RCOR1: variants seen among roughly 807,000 people sequenced by gnomAD.
RCOR1 encodes REST corepressor 1, also known as REST corepressor.
Under a neutral mutation model 64.0 loss-of-function variants are expected in RCOR1, and 12 were observed. That is an observed-to-expected ratio of 0.19 (90% CI 0.12 to 0.30). The LOEUF (loss-of-function observed/expected upper bound fraction) is 0.30, where lower values mean the gene tolerates loss of function less well. RCOR1 is among the 10% of genes least tolerant of loss of function. RCOR1 has a pLI of 1.00. For missense variants in RCOR1, 502 were observed against 621.2 expected (o/e 0.81, Z 2.04); for synonymous variants, 279 against 227.2 (o/e 1.23, Z -2.05).
intron 2 of RCOR1, among the ~76,000 whole-genome samples, chr14:102,681,591 G>A (rs1427606040): frequency 1.3e-5 from 2 of 152,240 alleles, no homozygotes; most frequent in Non-Finnish European, 2.9e-5. Flanking sequence ...CACACATGAA[G>A]AATTAACATT....
At chr14:102,595,704 A>G (rs1363352661) in intron 2 of RCOR1, among the ~76,000 whole-genome samples, 3 of 151,104 alleles carry the variant, frequency 2.0e-5, no homozygotes, top group Non-Finnish European at 2.9e-5. Flanking sequence ...CTCAGCCTCC[A>G]GAGTAGCAGG....
intron 2 of RCOR1, among the ~76,000 whole-genome samples, chr14:102,674,709 G>T (rs924643794): frequency 1.3e-5 from 2 of 152,100 alleles, no homozygotes; most frequent in African/African-American, 4.8e-5. Flanking sequence ...ACTGGTAATT[G>T]CAGTTTCCTT....
chr14:102,694,448 T>C (rs1895604016), intron 3 of RCOR1, among the ~76,000 whole-genome samples: 1 of 152,134 alleles, frequency 6.6e-6, no homozygotes, highest in African/African-American at 2.4e-5. Flanking sequence ...TTTTTGTTTT[T>C]GTATTTTTAG....
chr14:102,660,091 A>G (rs1387438749), intron 2 of RCOR1, among the ~76,000 whole-genome samples: 3 of 152,172 alleles, frequency 2.0e-5, no homozygotes, highest in Non-Finnish European at 4.4e-5. Flanking sequence ...ATTGGTTCCA[A>G]ATGAGAAAGC....
intron 2 of RCOR1, among the ~76,000 whole-genome samples, chr14:102,635,659 A>AT (rs199697583): frequency 3.3e-4 from 50 of 151,122 alleles, no homozygotes; most frequent in African/African-American, 1.0e-3. Context: ...AAGTTGACAC[A>AT]TTTTTTTTTC....
intron 2 of RCOR1, among the ~76,000 whole-genome samples, chr14:102,649,385 G>C (rs111263217): frequency 9.9e-5 from 15 of 152,178 alleles, no homozygotes; most frequent in African/African-American, 3.6e-4. Context: ...TGGATGTTTA[G>C]TATGCATTTT....
chr14:102,639,748 G>A (rs1034835266), intron 2 of RCOR1, among the ~76,000 whole-genome samples: 4 of 151,854 alleles, frequency 2.6e-5, no homozygotes, highest in Admixed American at 6.6e-5. Flanking sequence ...GGCCGGGCTG[G>A]TCTTGAACTC....
intron 5 of RCOR1, 148 bp downstream of exon 5, chr14:102,707,660 T>G (rs1295560411): frequency 2.9e-6 from 2 of 681,346 alleles, no homozygotes; most frequent in Non-Finnish European, 4.8e-6. Context: ...TACATGCTGC[T>G]CTGTGGATGG....
chr14:102,714,178 C>T (rs1013106549), intron 7 of RCOR1, among the ~76,000 whole-genome samples: 5 of 151,884 alleles, frequency 3.3e-5, no homozygotes, highest in African/African-American at 9.7e-5. Context: ...TGGCTTGAAA[C>T]GATAGAGTAA....
At chr14:102,682,234 A>G (rs924705125) in intron 3 of RCOR1, among the ~76,000 whole-genome samples, 1 of 152,056 alleles carries the variant, frequency 6.6e-6, no homozygotes. Flanking sequence ...GGTTCATGTG[A>G]TTCTCCAGCC....
chr14:102,609,868 A>T (rs1397830798), intron 2 of RCOR1, among the ~76,000 whole-genome samples: 1 of 150,742 alleles, frequency 6.6e-6, no homozygotes, highest in East Asian at 2.0e-4. Context: ...GGCCGGGTGC[A>T]GTGGCTCACC....
At chr14:102,677,168 C>G (rs1401988201) in intron 2 of RCOR1, among the ~76,000 whole-genome samples, 9 of 142,346 alleles carry the variant, frequency 6.3e-5, no homozygotes, top group South Asian at 2.2e-4. Context: ...CTGACCCCCC[C>G]CCACCTCCCT....
chr14:102,631,567 A>C (rs1194212440), intron 2 of RCOR1, among the ~76,000 whole-genome samples: 1 of 152,048 alleles, frequency 6.6e-6, no homozygotes. Flanking sequence ...TGACAGACAT[A>C]AACTGGAACT....
chr14:102,699,581 C>G (rs551449524), intron 3 of RCOR1, among the ~76,000 whole-genome samples: 2 of 152,148 alleles, frequency 1.3e-5, no homozygotes, highest in South Asian at 4.1e-4. Flanking sequence ...GAAGCTCAGA[C>G]TTTTATTAGG....
At chr14:102,608,871 T>G (rs1449246968) in intron 2 of RCOR1, among the ~76,000 whole-genome samples, 1 of 151,904 alleles carries the variant, frequency 6.6e-6, no homozygotes, top group Non-Finnish European at 1.5e-5. Context: ...GGCTCATTCA[T>G]TTGTTGATGG....
rs115597250 is a variant in RCOR1 at position 102,699,821 on chromosome 14, C to T, written c.446-1457C>T. 2.1e-3 allele frequency among the ~76,000 whole-genome samples: 323 copies of T among 151,600 alleles called. 4 individuals carry two copies. Among genetic ancestry groups the T allele is most frequent in the African/African-American group, 7.6e-3 (314 of 41,280 alleles). ...TTCATAAAGGAAAATCATGCATGAA[C>T]ATATGGCAGTGCTATTGACTAGTGC... On this transcript the variant is annotated intron_variant, in intron 3 of 11. Transcript: ENST00000262241.
chr14:102,692,891 G>A (rs1044127528), intron 3 of RCOR1, among the ~76,000 whole-genome samples: 16 of 150,152 alleles, frequency 1.1e-4, no homozygotes, highest in African/African-American at 1.2e-4. Flanking sequence ...TCAGCCTCCC[G>A]AGTAGCTGGA....
intron 3 of RCOR1, among the ~76,000 whole-genome samples, chr14:102,689,323 T>A (rs780422056): frequency 9.9e-5 from 15 of 152,174 alleles, no homozygotes; most frequent in South Asian, 2.1e-4. Context: ...TATTATTATT[T>A]TTTTTAAGGT....
chr14:102,710,053 C>T (rs1895927793), intron 6 of RCOR1, among the ~76,000 whole-genome samples: 4 of 152,224 alleles, frequency 2.6e-5, no homozygotes, highest in Admixed American at 2.6e-4. Context: ...ACAGGACTTG[C>T]CTGTGAAAGT....
Sources: allele counts gnomAD v4.1 joint callset (sites outside exome capture counted in the v4.1 genomes callset), GRCh38; gene constraint gnomAD v4.1.1; transcripts MANE v1.5; gene names NCBI Gene and HGNC (gene_info 2026-07-23, HGNC 2026-07-21).